The following SLC35F5 variants were observed in gnomAD, a reference collection of about 807,000 sequenced individuals.
SLC35F5 encodes HCV NS5A-transactivated protein 3.
A neutral mutation model predicts 68.6 loss-of-function variants in SLC35F5; 54 were observed. The ratio of observed to expected loss-of-function variants is 0.79; its 90% CI spans 0.63 to 0.99. SLC35F5 has a LOEUF of 0.99. SLC35F5 is among the 50% of genes least tolerant of loss of function. SLC35F5 has a pLI of 0.00. For synonymous variants in SLC35F5, 211 were observed against 205.2 expected (o/e 1.03, Z -0.24); for missense variants, 567 against 626.9 (o/e 0.90, Z 1.02).
In SLC35F5 at chr2:113,710,761, C is replaced by A. The variant is rs997351034; in HGVS notation, c.*4457G>T. On this transcript the variant is annotated 3_prime_UTR_variant, in exon 16 of 16. Coordinates refer to ENST00000245680, the MANE Select transcript of SLC35F5 (RefSeq NM_025181.5). ...CTCCAGCCTGGGTGACAGAGTGAGA[C>A]CCCATCTCAAAAAAAAAAAAAGAAT... Among the ~76,000 whole-genome samples, 3 of 149,938 alleles carry A rather than the reference C, an allele frequency of 2.0e-5. No individual in the cohort carries two copies. The highest frequency in any genetic ancestry group is 7.3e-5 in the African/African-American group (3 of 40,948).
intron 12 of SLC35F5, 98 bp downstream of exon 12, chr2:113,725,280 G>C: frequency 9.2e-7 from 1 of 1,084,582 alleles, no homozygotes; most frequent in Non-Finnish European, 1.4e-6. Context: ...GCAGAATGGG[G>C]TGCACAGGAA....
At chr2:113,751,681 C>A (rs1227321459) in intron 3 of SLC35F5, among the ~76,000 whole-genome samples, 1 of 151,932 alleles carries the variant, frequency 6.6e-6, no homozygotes, top group African/African-American at 2.4e-5. Flanking sequence ...ATGGGGGCAC[C>A]TGCCTGTAAT....
chr2:113,748,089 C>T (rs2104476886), intron 4 of SLC35F5, among the ~76,000 whole-genome samples: 1 of 152,278 alleles, frequency 6.6e-6, no homozygotes, highest in East Asian at 1.9e-4. Flanking sequence ...GAGACTCTGT[C>T]TCAACAACAG....
At chr2:113,745,793 T>C (rs1342346379) in intron 5 of SLC35F5, among the ~76,000 whole-genome samples, 2 of 152,214 alleles carry the variant, frequency 1.3e-5, no homozygotes, top group Non-Finnish European at 2.9e-5. Context: ...ACTATGTCAA[T>C]TACTTTACTT....
At chr2:113,742,334 A>G (rs1676309241) in intron 7 of SLC35F5, 1 of 277,706 alleles carries the variant, frequency 3.6e-6, no homozygotes, top group South Asian at 1.3e-4. Context: ...TCTTATCTGG[A>G]TATTTACTAG....
intron 7 of SLC35F5, among the ~76,000 whole-genome samples, chr2:113,738,035 G>C (rs917647020): frequency 1.3e-5 from 2 of 152,076 alleles, no homozygotes; most frequent in Non-Finnish European, 1.5e-5. Context: ...ACATGACATT[G>C]TCTACTGATT....
intron 4 of SLC35F5, among the ~76,000 whole-genome samples, chr2:113,748,114 T>G (rs2104476961): frequency 6.6e-6 from 1 of 152,238 alleles, no homozygotes; most frequent in South Asian, 2.1e-4. Flanking sequence ...AAAAAATGAA[T>G]GAAGTACAGA....
chr2:113,718,797 AAG>A (rs1687274758), intron 14 of SLC35F5, among the ~76,000 whole-genome samples: 1 of 152,012 alleles, frequency 6.6e-6, no homozygotes, highest in South Asian at 2.1e-4. Context: ...TCTGTCAAGA[AAG>A]AGAAAAAAAG....
chr2:113,723,612 A>G (rs1197390377), intron 12 of SLC35F5, among the ~76,000 whole-genome samples: 2 of 152,232 alleles, frequency 1.3e-5, no homozygotes, highest in East Asian at 1.9e-4. Context: ...TGATAAGCCA[A>G]CATGTGATTC....
chr2:113,741,972 A>C (rs1488514897), intron 7 of SLC35F5: 1 of 152,184 alleles, frequency 6.6e-6, no homozygotes, highest in East Asian at 1.9e-4. Context: ...TACAAATTTG[A>C]ATCTTAAAGG....
At chr2:113,724,967 A>T (rs1306752783) in intron 12 of SLC35F5, among the ~76,000 whole-genome samples, 1 of 152,214 alleles carries the variant, frequency 6.6e-6, no homozygotes, top group African/African-American at 2.4e-5. Flanking sequence ...GCAAACAGAT[A>T]TTCCAAAGCC....
In SLC35F5 at chr2:113,738,499, C is replaced by T. The variant is rs187601747; in HGVS notation, c.751-2641G>A. The stretch of plus-strand genomic sequence containing the variant: ...ATGTACTATATATATATTCATCCAT[C>T]GATAGACACTCAGGTTGTTCCCGTA... On this transcript the variant is annotated intron_variant, in intron 7 of 15. Coordinates refer to ENST00000245680, the MANE Select transcript of SLC35F5 (RefSeq NM_025181.5). 1.8e-3 allele frequency among the ~76,000 whole-genome samples: 267 copies of T among 152,132 alleles called. 3 individuals are homozygous for T. The highest frequency in any genetic ancestry group is 3.4e-3 in the Middle Eastern group (1 of 294).
At chr2:113,719,027 C>T (rs765683013) in intron 14 of SLC35F5, 127 bp downstream of exon 14, 13 of 747,132 alleles carry the variant, frequency 1.7e-5, no homozygotes, top group East Asian at 3.0e-5. Flanking sequence ...TTTCATCTGC[C>T]GTAACATATA....
rs573518732 is a variant in SLC35F5, at chr2:113,742,877, G to C, written c.565C>G (p.Pro189Ala). The change falls in exon 7 of 16, where the codon CCC (proline) becomes GCC (alanine). Residue 189 changes from proline to alanine, a missense_variant and splice_region_variant. Pro to Ala is a conservative substitution (Grantham distance 27). Transcript: ENST00000245680. ...CTGAACCTCACACGAGACTTTTTGG[G>C]GGCTTAAAAGGAAGAGCATAATATG... ...ESTNIDTEKT[P>A]KKSRVRFSNI... 1 of 1,610,502 alleles carries C rather than the reference G, an allele frequency of 6.2e-7. No homozygotes were observed. The highest frequency in any genetic ancestry group is 2.2e-5 in the East Asian group (1 of 44,792).
intron 5 of SLC35F5, among the ~76,000 whole-genome samples, chr2:113,744,633 C>A (rs1676414007): frequency 6.6e-6 from 1 of 152,072 alleles, no homozygotes; most frequent in Non-Finnish European, 1.5e-5. Context: ...TGCCTGTAAT[C>A]CCAGCTACTC....
At chr2:113,737,227 A>T (rs904074748) in intron 7 of SLC35F5, among the ~76,000 whole-genome samples, 1 of 152,206 alleles carries the variant, frequency 6.6e-6, no homozygotes, top group Non-Finnish European at 1.5e-5. Flanking sequence ...CATTGCAAAG[A>T]AGTAGTAGAG....
intron 13 of SLC35F5, among the ~76,000 whole-genome samples, chr2:113,719,887 A>G (rs1416643998): frequency 6.6e-6 from 1 of 152,114 alleles, no homozygotes; most frequent in Non-Finnish European, 1.5e-5. Context: ...AAAGAAAAAA[A>G]TATAGAAATA....
chr2:113,710,440 T>C lies in SLC35F5; in HGVS notation c.*4778A>G, dbSNP rs149143772. 3.3e-3 allele frequency among the ~76,000 whole-genome samples: 497 copies of C among 152,218 alleles called. 9 individuals are homozygous for C. Among genetic ancestry groups the C allele is most frequent in the African/African-American group, 0.012 (478 of 41,532 alleles). On this transcript the variant is annotated 3_prime_UTR_variant, in exon 16 of 16. Transcript: ENST00000245680. Reference sequence around the variant, plus strand: ...ATGGTGGCAAAAACAATCTAAAGAATTGGTTTTAGCCAGGCATGGTGGCTC... The same window carrying C: ...ATGGTGGCAAAAACAATCTAAAGAACTGGTTTTAGCCAGGCATGGTGGCTC...
rs1173478465 is a variant in SLC35F5, at chr2:113,753,168, C to CTTTTTTTTTTTTTTTTTTTTTTTTTTTT, written c.273+1996_273+1997insAAAAAAAAAAAAAAAAAAAAAAAAAAAA. On this transcript the variant is annotated intron_variant, in intron 3 of 15. Coordinates refer to ENST00000245680, the MANE Select transcript of SLC35F5 (RefSeq NM_025181.5). ...CACTTTATCTCCAAAGTTTGTTTTT[C>CTTTTTTTTTTTTTTTTTTTTTTTTTTTT]TTTTTTTTTTTTTTTTTTTTTTTTT... Among the ~76,000 whole-genome samples the CTTTTTTTTTTTTTTTTTTTTTTTTTTTT allele has an allele frequency of 4.3e-4, 21 of 49,090 alleles. 10 individuals carry two copies. Among genetic ancestry groups the CTTTTTTTTTTTTTTTTTTTTTTTTTTTT allele is most frequent in the Non-Finnish European group, 4.6e-4 (13 of 28,288 alleles). 32.2% of individuals were successfully genotyped at this position (49,090 alleles called of 152,430 possible).
Sources: gnomAD v4.1 joint callset for allele counts (sites outside exome capture counted in the v4.1 genomes callset) on GRCh38, gnomAD v4.1.1 for gene constraint, MANE v1.5 for transcripts, NCBI Gene and HGNC (gene_info 2026-07-23, HGNC 2026-07-21) for gene names.